RBBP5: variants seen among roughly 807,000 people sequenced by gnomAD.
RBBP5 encodes retinoblastoma-binding protein 5.
Under a neutral mutation model 72.2 loss-of-function variants are expected in RBBP5, and 5 were observed. The ratio of observed to expected loss-of-function variants is 0.07; its 90% CI spans 0.04 to 0.15. The LOEUF (loss-of-function observed/expected upper bound fraction) is 0.15, where lower values mean the gene tolerates loss of function less well. RBBP5 is among the 10% of genes least tolerant of loss of function. RBBP5 has a pLI of 1.00. For missense variants in RBBP5, 322 were observed against 652.2 expected (o/e 0.49, Z 5.51); for synonymous variants, 209 against 237.2 (o/e 0.88, Z 1.09).
intron 13 of RBBP5, among the ~76,000 whole-genome samples, chr1:205,094,343 C>T (rs1038866038): frequency 1.3e-5 from 2 of 152,190 alleles, no homozygotes; most frequent in African/African-American, 4.8e-5. Context: ...ATTATTGCTT[C>T]TGGAATACTA....
intron 3 of RBBP5, among the ~76,000 whole-genome samples, chr1:205,107,070 G>GTATATA (rs1656096891): frequency 7.7e-6 from 1 of 130,664 alleles, no homozygotes; most frequent in Non-Finnish European, 1.7e-5. Context: ...GTGTGTGTGT[G>GTATATA]TATACATATA....
At chr1:205,093,533 T>TACACACACAC (rs372536310) in intron 13 of RBBP5, among the ~76,000 whole-genome samples, 103 of 4,860 alleles carry the variant, frequency 0.021, 22 homozygotes, top group East Asian at 0.13. Context: ...TATATATATA[T>TACACACACAC]ACACACACAC....
rs369557955 is a variant in RBBP5 at position 205,099,941 on chromosome 1, C to T, written c.876G>A (p.Gly292=). 10 of 1,614,054 alleles carry T rather than the reference C, an allele frequency of 6.2e-6. No individual in the cohort carries two copies. The African/African-American group carries it at 1.1e-4, about 17-fold the overall frequency. The change falls in exon 8 of 14, where the codon GGG becomes GGA. Residue 292 remains glycine, a synonymous_variant. Transcript: ENST00000264515. This position sits in a 1 kb window ranked among gnomAD's most constrained non-coding sequence, Gnocchi z 4.7. ...CATCCAAGAGGAGTTCTCCTCTCGT[C>T]CCATGGAGAATCTTCACCAGGTTGC... ...SIGNLVKILH[G]TRGELLLDVA...
At chr1:205,096,075 C>A (rs1189301765) in intron 12 of RBBP5, among the ~76,000 whole-genome samples, 3 of 152,068 alleles carry the variant, frequency 2.0e-5, no homozygotes, top group African/African-American at 7.2e-5. Flanking sequence ...TGCCTGTAGT[C>A]CCAGCTACTC....
chr1:205,116,046 T>A (rs566228335), intron 1 of RBBP5, 163 bp from the exon 2 acceptor site: 1 of 1,438,224 alleles, frequency 7.0e-7, no homozygotes, highest in Non-Finnish European at 9.6e-7. Context: ...CCTGCTAAGA[T>A]GACTTGTTTA....
At chr1:205,105,439 TAGA>T (rs1442694517) in intron 3 of RBBP5, among the ~76,000 whole-genome samples, 1 of 152,204 alleles carries the variant, frequency 6.6e-6, no homozygotes, top group Admixed American at 6.5e-5. Flanking sequence ...TAAAACATCT[TAGA>T]AGAGTCTAAA....
intron 1 of RBBP5, among the ~76,000 whole-genome samples, chr1:205,121,242 C>T (rs73081279): frequency 0.11 from 17,255 of 152,098 alleles, 1,880 homozygotes; most frequent in African/African-American, 0.28. Context: ...AAAGTGAGGG[C>T]GACAAAAGAC....
rs1342834289 is a variant in RBBP5 at position 205,087,515 on chromosome 1, C to G, written c.*1272G>C. On this transcript the variant is annotated 3_prime_UTR_variant, in exon 14 of 14. Transcript: ENST00000264515. ...CCGGCTCACCAACTGATATATTTCA[C>G]AGTAAGCACAGTATTTAAATTCTCC... The G allele has an allele frequency of 7.7e-6, 1 of 129,488 alleles. No homozygotes were observed. Among genetic ancestry groups the G allele is most frequent in the African/African-American group, 3.0e-5 (1 of 33,574 alleles). 8.0% of individuals were successfully genotyped at this position (129,488 alleles called of 1,614,324 possible). A position where few individuals can be genotyped will look rare whatever the true frequency, so the allele number is the denominator to read the frequency against.
Position 205,119,391 on chromosome 1 carries a change from G to A in RBBP5, c.19+2464C>T, listed in dbSNP as rs139680297. Among the ~76,000 whole-genome samples the A allele has an allele frequency of 1.9e-4, 29 of 152,240 alleles. No individual in the cohort carries two copies. In the East Asian group the frequency reaches 3.9e-3, roughly 20 times the overall value. On this transcript the variant is annotated intron_variant, in intron 1 of 13. Transcript: ENST00000264515. ...AGCCTGGGCAACAGAGCAAGACTCCGTCTCAAAAGATAAATAAAAATAAAT... is the reference window on the plus strand; with the variant it reads ...AGCCTGGGCAACAGAGCAAGACTCCATCTCAAAAGATAAATAAAAATAAAT...
At chr1:205,104,803 AC>A (rs1655988606) in intron 4 of RBBP5, among the ~76,000 whole-genome samples, 1 of 152,110 alleles carries the variant, frequency 6.6e-6, no homozygotes, top group African/African-American at 2.4e-5. Context: ...GCGCCACTGC[AC>A]TCCAGCCTGG....
At chr1:205,120,129 C>G (rs1004330140) in intron 1 of RBBP5, among the ~76,000 whole-genome samples, 1 of 152,086 alleles carries the variant, frequency 6.6e-6, no homozygotes, top group African/African-American at 2.4e-5. Flanking sequence ...ATTTGTCATC[C>G]CTACCTCCTC....
In RBBP5 at chr1:205,088,384, C is replaced by T. The variant is rs1655209695; in HGVS notation, c.*403G>A. 5.8e-6 allele frequency: 1 copy of T among 171,456 alleles called. No individual in the cohort carries two copies. The highest frequency in any genetic ancestry group is 1.2e-5 in the Non-Finnish European group (1 of 80,506). The allele number at this position is 171,456 out of a possible 1,614,324, so 10.6% of individuals were successfully genotyped here. On this transcript the variant is annotated 3_prime_UTR_variant, in exon 14 of 14. Transcript: ENST00000264515. ...TAGCAAAATTTCAGATAAGAAGTCA[C>T]TCAAAGACATGCATTGAGGACCGAA...
At chr1:205,107,799 A>G (rs986003429) in intron 3 of RBBP5, among the ~76,000 whole-genome samples, 5 of 152,152 alleles carry the variant, frequency 3.3e-5, no homozygotes, top group African/African-American at 1.2e-4. Flanking sequence ...TACAAAAATT[A>G]GCCAGGCATG....
intron 3 of RBBP5, among the ~76,000 whole-genome samples, chr1:205,110,595 T>C (rs1656273675): frequency 6.6e-6 from 1 of 152,196 alleles, no homozygotes; most frequent in South Asian, 2.1e-4. Flanking sequence ...ATATTTATTT[T>C]TGTTTAAAAA....
At chr1:205,101,503 G>A in intron 6 of RBBP5, 97 bp downstream of exon 6, 1 of 780,578 alleles carries the variant, frequency 1.3e-6, no homozygotes, top group Non-Finnish European at 1.9e-6. Context: ...TTTAAAAAAT[G>A]CTTAAGTATA....
At chr1:205,102,791 C>A (rs1022845461) in intron 5 of RBBP5, among the ~76,000 whole-genome samples, 2 of 151,860 alleles carry the variant, frequency 1.3e-5, no homozygotes. Context: ...GTTGGGAGTT[C>A]AAGACCAGCC....
chr1:205,111,299 T>C (rs938168001), intron 3 of RBBP5, among the ~76,000 whole-genome samples: 6 of 152,218 alleles, frequency 3.9e-5, no homozygotes, highest in Admixed American at 3.9e-4. Flanking sequence ...TCTGAATGGC[T>C]ACTGTATATC....
rs1412376630 is a variant in RBBP5, at chr1:205,087,478, G to C, written c.*1309C>G. The C allele has an allele frequency of 6.8e-6, 1 of 146,518 alleles. No individual in the cohort carries two copies. Among genetic ancestry groups the C allele is most frequent in the Non-Finnish European group, 1.5e-5 (1 of 67,340 alleles). 9.1% of individuals were successfully genotyped at this position (146,518 alleles called of 1,614,324 possible). ...CCCAAAGTGCTGGGATTACAGGCGT[G>C]ACCCACCACGCCCGGCTCACCAACT... On this transcript the variant is annotated 3_prime_UTR_variant, in exon 14 of 14. Transcript: ENST00000264515.
intron 3 of RBBP5, among the ~76,000 whole-genome samples, chr1:205,105,647 A>C (rs979305142): frequency 2.0e-5 from 3 of 152,256 alleles, no homozygotes; most frequent in African/African-American, 7.2e-5. Flanking sequence ...TAAAACAGAC[A>C]AAAAAGGTTC....
Sources: gnomAD v4.1 joint callset for allele counts (sites outside exome capture counted in the v4.1 genomes callset) on GRCh38, gnomAD v4.1.1 for gene constraint, Gnocchi (gnomAD v3.1) non-coding constraint, MANE v1.5 for transcripts, NCBI Gene and HGNC (gene_info 2026-07-23, HGNC 2026-07-21) for gene names.